Variants in CRYGS observed in about 807,000 individuals in gnomAD.
CRYGS encodes gamma-crystallin S.
A neutral mutation model predicts 21.3 loss-of-function variants in CRYGS; 13 were observed. The observed-to-expected ratio is 0.61, with a 90% CI of 0.40 to 0.97. The LOEUF is 0.97. CRYGS is among the 50% of genes least tolerant of loss of function. The probability of loss-of-function intolerance (pLI) is 0.00; values close to 1 mark genes in which losing one functional copy is unlikely to be tolerated. For missense variants in CRYGS, 205 were observed against 229.7 expected (o/e 0.89, Z 0.69); for synonymous variants, 67 against 75.0 (o/e 0.89, Z 0.55).
chr3:186,539,769 G>T, intron 1 of CRYGS, 172 bp from the exon 2 acceptor site: 1 of 708,068 alleles, frequency 1.4e-6, no homozygotes, highest in Non-Finnish European at 2.3e-6. Flanking sequence ...AACTTCAGTT[G>T]TCAACAACAG....
intron 1 of CRYGS, chr3:186,540,276 G>C (rs1010200535): frequency 6.5e-5 from 10 of 152,716 alleles, no homozygotes; most frequent in African/African-American, 2.2e-4. Context: ...GTAAGTCTCT[G>C]ATGGCACTGA....
intron 1 of CRYGS, among the ~76,000 whole-genome samples, chr3:186,543,989 AG>A (rs1714126396): frequency 6.6e-6 from 1 of 152,248 alleles, no homozygotes; most frequent in Non-Finnish European, 1.5e-5. Flanking sequence ...AATCCCCATT[AG>A]CATGCCTTAT....
Position 186,538,860 on chromosome 3 carries a change from G to A in CRYGS, c.373C>T (p.Arg125Ter), listed in dbSNP as rs1040798488. The change falls in exon 3 of 3, where the codon CGA becomes TGA. Residue 125 changes from arginine (R) to a stop codon, truncating the protein, a stop_gained. Coordinates refer to ENST00000307944, the MANE Select transcript of CRYGS (RefSeq NM_017541.4). LOFTEE classifies it high-confidence loss of function. ...AGCACCTTACAGGAGTGGATCTCTC[G>A]CATGTGAAATTGCTCCATGATGGAA... ...CPSIMEQFHM[R>*]EIHSCKVLEG... The A allele has an allele frequency of 3.7e-6, 6 of 1,613,872 alleles. No individual in the cohort carries two copies. The African/African-American group carries it at 4.0e-5, about 11-fold the overall frequency.
Position 186,538,927 on chromosome 3 carries a change from C to T in CRYGS, c.306G>A (p.Gly102=), listed in dbSNP as rs114186269. Residue 102 remains glycine, a synonymous_variant, in exon 3 of 3, where the codon GGG becomes GGA. Transcript: ENST00000307944. ...TTTCATACATCTGACCACTAAAATC[C>T]CCTTTCTCAAAGATCTGAATCTTAT... ...GQYKIQIFEK[G]DFSGQMYETT... The T allele has an allele frequency of 2.4e-3, 3,812 of 1,614,038 alleles. 5 individuals are homozygous for T. Among genetic ancestry groups the T allele is most frequent in the Non-Finnish European group, 2.9e-3 (3,470 of 1,179,980 alleles).
intron 1 of CRYGS, chr3:186,540,156 T>C (rs1486341807): frequency 6.5e-6 from 1 of 154,570 alleles, no homozygotes; most frequent in African/African-American, 2.4e-5. Flanking sequence ...ATGTATCATA[T>C]CATGTTCTTT....
Position 186,539,522 on chromosome 3 carries a change from A to G in CRYGS, c.97T>C (p.Tyr33His), listed in dbSNP as rs1395629177. 3 of 1,614,030 alleles carry G rather than the reference A, an allele frequency of 1.9e-6. No individual in the cohort carries two copies. Among genetic ancestry groups the G allele is most frequent in the Admixed American group, 3.3e-5 (2 of 60,020 alleles). ...TTAATGGAGTTGCAGCGACTTAGGT[A>G]TGTGTGGAAATCTGCACAGTCGCAA... The part of the protein sequence containing the change: ...CDCDCADFHT[Y>H]LSRCNSIKVE... Residue 33 changes from tyrosine to histidine, a missense_variant, in exon 2 of 3, where the codon TAC (tyrosine) becomes CAC (histidine). Tyr to His is a moderately conservative substitution (Grantham distance 83). Coordinates refer to ENST00000307944, the MANE Select transcript of CRYGS (RefSeq NM_017541.4).
intron 1 of CRYGS, chr3:186,540,749 A>G: frequency 1.0e-6 from 1 of 976,048 alleles, no homozygotes; most frequent in Non-Finnish European, 1.2e-6. Flanking sequence ...GTCATTTCAG[A>G]TGAAAGGAGC....
intron 1 of CRYGS, among the ~76,000 whole-genome samples, chr3:186,541,779 CTATTGTTCACTT>C (rs1390948768): frequency 6.6e-6 from 1 of 152,196 alleles, no homozygotes; most frequent in African/African-American, 2.4e-5. Context: ...GGTGAGTAAA[CTATTGTTCACTT>C]TATTTTCCTT....
At position 186,539,579 on chromosome 3, in the gene CRYGS, T is replaced by C. The variant is rs781770594; in HGVS notation, c.40A>G (p.Lys14Glu). The change falls in exon 2 of 3, where the codon AAA becomes GAA. Residue 14 changes from lysine to glutamate, a missense_variant. Physicochemically the swap from Lys to Glu is moderately conservative, Grantham distance 56. Coordinates refer to ENST00000307944, the MANE Select transcript of CRYGS (RefSeq NM_017541.4). ...TGTKITFYED[K>E]NFQGRRYDCD... ...TCATAGCGACGGCCTTGAAAATTTT[T>C]GTCTTCATAGAAAGTAATCTGAAGT... is the stretch of plus-strand genomic sequence containing the variant. The C allele has an allele frequency of 8.7e-6, 14 of 1,613,928 alleles. No individual in the cohort carries two copies. The highest frequency in any genetic ancestry group is 3.3e-5 in the South Asian group (3 of 91,074).
At chr3:186,541,178 T>C (rs1478205921) in intron 1 of CRYGS, among the ~76,000 whole-genome samples, 1 of 152,292 alleles carries the variant, frequency 6.6e-6, no homozygotes, top group South Asian at 2.1e-4. Flanking sequence ...AAACGAAGAA[T>C]GACTCATAAA....
chr3:186,538,531 G>T lies in CRYGS; in HGVS notation c.*165C>A. 1 of 786,302 alleles carries T rather than the reference G, an allele frequency of 1.3e-6. No individual in the cohort carries two copies. Among genetic ancestry groups the T allele is most frequent in the Non-Finnish European group, 2.0e-6 (1 of 489,658 alleles). The allele number at this position is 786,302 out of a possible 1,614,324, so 48.7% of individuals were successfully genotyped here. A position where few individuals can be genotyped will look rare whatever the true frequency, so the allele number is the denominator to read the frequency against. On this transcript the variant is annotated 3_prime_UTR_variant, in exon 3 of 3. Coordinates refer to ENST00000307944, the MANE Select transcript of CRYGS (RefSeq NM_017541.4). ...GGCAGATGGGTAGCTTTGTGTGACTGCCCACTGTGGCGAGCACTGTATTGC... is the reference window on the plus strand; with the variant it reads ...GGCAGATGGGTAGCTTTGTGTGACTTCCCACTGTGGCGAGCACTGTATTGC...
At chr3:186,539,017 A>G in intron 2 of CRYGS, 49 bp from the exon 3 acceptor site, 1 of 1,602,148 alleles carries the variant, frequency 6.2e-7, no homozygotes, top group African/African-American at 1.3e-5. Context: ...GGAAATCACC[A>G]GCAGGTCAAG....
intron 1 of CRYGS, chr3:186,540,058 A>G (rs771615050): frequency 8.9e-5 from 16 of 180,132 alleles, no homozygotes; most frequent in Admixed American, 2.7e-4. Flanking sequence ...CTCCTAGGTG[A>G]TATGGAGGAT....
intron 1 of CRYGS, among the ~76,000 whole-genome samples, chr3:186,542,045 T>A (rs185163355): frequency 8.4e-4 from 128 of 152,370 alleles, no homozygotes; most frequent in African/African-American, 3.0e-3. Flanking sequence ...AAAGATATCC[T>A]ATGGGAAATG....
chr3:186,539,597 T>C lies in CRYGS; in HGVS notation c.22A>G (p.Ile8Val). 1 of 1,613,988 alleles carries C rather than the reference T, an allele frequency of 6.2e-7. No homozygotes were observed. The highest frequency in any genetic ancestry group is 8.5e-7 in the Non-Finnish European group (1 of 1,179,872). Residue 8 changes from isoleucine (I) to valine (V), a missense_variant and splice_region_variant, in exon 2 of 3, where the codon ATT (isoleucine) becomes GTT (valine). Physicochemically the swap from Ile to Val is conservative, Grantham distance 29 (BLOSUM62 3). Transcript: ENST00000307944. ...AAATTTTTGTCTTCATAGAAAGTAATCTGAAGTAGAGGGCCAACAGAGAAA... is the reference window on the plus strand; with the variant it reads ...AAATTTTTGTCTTCATAGAAAGTAACCTGAAGTAGAGGGCCAACAGAGAAA... The part of the protein sequence containing the change: MSKTGTK[I>V]TFYEDKNFQG...
chr3:186,541,316 C>T (rs748451982), intron 1 of CRYGS, among the ~76,000 whole-genome samples: 2 of 152,100 alleles, frequency 1.3e-5, no homozygotes, highest in Non-Finnish European at 1.5e-5. Context: ...TATTCTCTTT[C>T]CTGTTCCCTA....
At chr3:186,539,247 G>A in intron 2 of CRYGS, 108 bp downstream of exon 2, 1 of 1,473,976 alleles carries the variant, frequency 6.8e-7, no homozygotes. Flanking sequence ...CCAACAAGCA[G>A]CTACTCATTA....
rs375736278 is a variant in CRYGS, at chr3:186,540,701, G to A, written c.22-1104C>T. ...GGCATTATGCCGCCACCTTGTGGCT[G>A]ATTTACTTTATGGATTTCACGGGCG... On this transcript the variant is annotated intron_variant, in intron 1 of 2. Coordinates refer to ENST00000307944, the MANE Select transcript of CRYGS (RefSeq NM_017541.4). 4.2e-6 allele frequency: 4 copies of A among 949,234 alleles called. No homozygotes were observed. In the East Asian group the frequency reaches 3.5e-4, roughly 82 times the overall value. 58.8% of individuals were successfully genotyped at this position (949,234 alleles called of 1,614,324 possible).
At chr3:186,539,229 C>A in intron 2 of CRYGS, 126 bp downstream of exon 2, 1 of 1,345,224 alleles carries the variant, frequency 7.4e-7, no homozygotes, top group Non-Finnish European at 1.0e-6. Flanking sequence ...TTACTCAAGC[C>A]TCAGCAGCCA....
Sources: gnomAD v4.1 joint callset for allele counts (sites outside exome capture counted in the v4.1 genomes callset) on GRCh38, gnomAD v4.1.1 for gene constraint, MANE v1.5 for transcripts, NCBI Gene and HGNC (gene_info 2026-07-23, HGNC 2026-07-21) for gene names.